MST1: variants seen among roughly 807,000 people sequenced by gnomAD.
The protein encoded by MST1 is macrophage stimulating 1, also known as hepatocyte growth factor-like protein.
Under a neutral mutation model 100.1 loss-of-function variants are expected in MST1, and 76 were observed. The observed-to-expected ratio is 0.76, with a 90% CI of 0.63 to 0.92. The LOEUF (loss-of-function observed/expected upper bound fraction) is 0.92. Among genes scored for constraint, MST1 ranks in the 40% least tolerant of loss-of-function variants. MST1 has a pLI of 0.00. For synonymous variants in MST1, 352 were observed against 385.4 expected, an observed-to-expected ratio of 0.91 and a Z score of 1.01; for missense variants, 850 against 990.0, an observed-to-expected ratio of 0.86 and a Z score of 1.90.
Position 49,684,060 on chromosome 3 carries a change from C to T in MST1, c.2146G>A (p.Asp716Asn). Residue 716 changes from aspartate (D) to asparagine (N), a missense_variant, in exon 18 of 18, where the codon GAC becomes AAC. Asp to Asn is a conservative substitution (Grantham distance 23). Around this residue, in one of 2 missense-constraint regions of MST1, gnomAD observed 816 missense variants for 924.6 expected, o/e 0.88. Coordinates refer to ENST00000449682, the MANE Select transcript of MST1 (RefSeq NM_020998.4). The stretch of plus-strand genomic sequence containing the variant: ...AGTCTCATGACCTTGTGAATCCAGT[C>T]CACAAACACAGAGACACGCGTGAAG... The part of the protein sequence containing the change: ...AVFTRVSVFV[D>N]WIHKVMRLG 1 of 1,613,628 alleles carries T rather than the reference C, an allele frequency of 6.2e-7. No homozygotes were observed. Among genetic ancestry groups the T allele is most frequent in the Non-Finnish European group, 8.5e-7 (1 of 1,179,828 alleles).
Position 49,685,234 on chromosome 3 carries a change from C to T in MST1, c.1544+28G>A, listed in dbSNP as rs1162255941. The T allele has an allele frequency of 3.1e-6, 5 of 1,612,022 alleles. No homozygotes were observed. The South Asian group carries it at 4.4e-5, about 14-fold the overall frequency. ...CAGAGGACACAACCTCAGCTCCTCT[C>T]TGTGGGAGACAGGCAGTTGTGCCTC... is the stretch of plus-strand genomic sequence containing the variant. On this transcript the variant is annotated intron_variant, in intron 13 of 17. Transcript: ENST00000449682.
intron 6 of MST1, 68 bp downstream of exon 6, chr3:49,686,879 G>A: frequency 6.2e-7 from 1 of 1,611,980 alleles, no homozygotes; most frequent in Non-Finnish European, 8.5e-7. Context: ...CCTACACGGA[G>A]CCCTGCCCCT....
At position 49,685,030 on chromosome 3, in the gene MST1, C is replaced by T. The variant is rs767555694; in HGVS notation, c.1604G>A (p.Arg535Gln). 19 of 1,609,532 alleles carry T rather than the reference C, an allele frequency of 1.2e-5. No individual in the cohort carries two copies. Among genetic ancestry groups the T allele is most frequent in the South Asian group, 4.4e-5 (4 of 90,782 alleles). ...GGCTCACCAGGAGGAGAAGCACTGC[C>T]GGGCAGTCAGTATCCACTGCTCCTT... is the stretch of plus-strand genomic sequence containing the variant. ...LVKEQWILTARQCFSSCHMPL... is the reference protein window; with the variant it reads ...LVKEQWILTAQQCFSSCHMPL... The change falls in exon 14 of 18, where the codon CGG becomes CAG. Residue 535 changes from arginine to glutamine, a missense_variant. Transcript: ENST00000449682.
At position 49,688,479 on chromosome 3, in the gene MST1, G is replaced by A. The variant is rs1324090092; in HGVS notation, c.94+119C>T. On this transcript the variant is annotated intron_variant, in intron 1 of 17. Transcript: ENST00000449682. The stretch of plus-strand genomic sequence containing the variant: ...TTCCCAGCTGTGCTCAAGAGGGCAA[G>A]GTCACTGCCCCATGCCCACTGAGCC... 3.4e-6 allele frequency: 3 copies of A among 871,864 alleles called. No individual in the cohort carries two copies. In the South Asian group the frequency reaches 5.2e-5, roughly 15 times the overall value. 54.0% of individuals were successfully genotyped at this position (871,864 alleles called of 1,614,324 possible).
In MST1 at chr3:49,685,515, C is replaced by CA. The variant is rs761175927; in HGVS notation, c.1388-10dup. 2.5e-6 allele frequency: 4 copies of CA among 1,613,446 alleles called. No individual in the cohort carries two copies. The highest frequency in any genetic ancestry group is 3.3e-5 in the Admixed American group (2 of 60,006). On this transcript the variant is annotated splice_polypyrimidine_tract_variant and intron_variant, in intron 11 of 17. Coordinates refer to ENST00000449682, the MANE Select transcript of MST1 (RefSeq NM_020998.4). ...TGGCGGCTGGTCATCAGCTGAAAGACAAAGTTCACTGGGGTTAAGGGAGCC... is the reference window on the plus strand; with the variant it reads ...TGGCGGCTGGTCATCAGCTGAAAGACAAAAGTTCACTGGGGTTAAGGGAGCC...
Position 49,685,980 on chromosome 3 carries a change from A to G in MST1, c.1148-18T>C, listed in dbSNP as rs1367368651. ...GTAGCAGTCTGTGGCGGGTGCGGGC[A>G]GCCATCAGGCCGAGACCTCGCCCCG... On this transcript the variant is annotated intron_variant, in intron 9 of 17. Coordinates refer to ENST00000449682, the MANE Select transcript of MST1 (RefSeq NM_020998.4). 6.2e-7 allele frequency: 1 copy of G among 1,603,852 alleles called. No homozygotes were observed. The highest frequency in any genetic ancestry group is 1.3e-5 in the African/African-American group (1 of 74,644).
Position 49,684,643 on chromosome 3 carries a change from T to A in MST1, c.1783A>T (p.Asn595Tyr). 2 of 1,613,686 alleles carry A rather than the reference T, an allele frequency of 1.2e-6. No homozygotes were observed. The highest frequency in any genetic ancestry group is 2.2e-5 in the South Asian group (2 of 91,076). The change falls in exon 16 of 18, where the codon AAC becomes TAC. Residue 595 changes from asparagine to tyrosine, a missense_variant. Asn to Tyr is a moderately radical substitution (Grantham distance 143). This residue lies in a region of MST1 where 816 missense variants were observed against 924.6 expected (regional missense o/e 0.88). Coordinates refer to ENST00000449682, the MANE Select transcript of MST1 (RefSeq NM_020998.4). Reference protein sequence around the residue: ...LLKLERSVTLNQRVALICLPP... With the variant: ...LLKLERSVTLYQRVALICLPP... ...AGGCAGATCAGGGCCACACGCTGGTTCAGGGTCACAGATCTTTAGCAAGAA... is the reference window on the plus strand; with the variant it reads ...AGGCAGATCAGGGCCACACGCTGGTACAGGGTCACAGATCTTTAGCAAGAA...
intron 6 of MST1, 29 bp from the exon 7 acceptor site, chr3:49,686,831 A>G (rs1575501383): frequency 1.9e-6 from 3 of 1,612,444 alleles, no homozygotes; most frequent in Middle Eastern, 1.7e-4. Context: ...CGTGAACAAG[A>G]CCCTGGGACT....
chr3:49,684,582 T>G lies in MST1; in HGVS notation c.1844A>C (p.Lys615Thr). Residue 615 changes from lysine to threonine, a missense_variant, in exon 16 of 18, where the codon AAG becomes ACG. Physicochemically the swap from Lys to Thr is moderately conservative, Grantham distance 78. Transcript: ENST00000449682. ...PEWYVVPPGT[K>T]CEIAGWGETK... ...CTCACCCCAGCCTGCAATCTCACAC[T>G]TGGTCCCTGGAGGCACCACATACCA... 2 of 1,613,788 alleles carry G rather than the reference T, an allele frequency of 1.2e-6. No homozygotes were observed. The highest frequency in any genetic ancestry group is 1.7e-5 in the Admixed American group (1 of 60,020).
At chr3:49,684,243 C>T (rs1243615390) in intron 17 of MST1, 54 bp from the exon 18 acceptor site, 1 of 1,609,040 alleles carries the variant, frequency 6.2e-7, no homozygotes, top group Non-Finnish European at 8.5e-7. Context: ...GACTAGCCTG[C>T]TTCATGATAA....
Position 49,685,868 on chromosome 3 carries a change from G to A in MST1, c.1242C>T (p.His414=). The A allele has an allele frequency of 6.2e-7, 1 of 1,607,576 alleles. No individual in the cohort carries two copies. The highest frequency in any genetic ancestry group is 8.5e-7 in the Non-Finnish European group (1 of 1,178,550). ...QCQRWSAETP[H]KPQFTFTSEP... is the part of the protein sequence containing the mutation. ...GAGCACCAGGGACTCACTGCGGCTTGTGCGGCGTCTCAGCGGACCAGCGCT... is the reference window on the plus strand; with the variant it reads ...GAGCACCAGGGACTCACTGCGGCTTATGCGGCGTCTCAGCGGACCAGCGCT... Residue 414 remains histidine, a synonymous_variant, in exon 10 of 18, where the codon CAC becomes CAT. Coordinates refer to ENST00000449682, the MANE Select transcript of MST1 (RefSeq NM_020998.4).
intron 4 of MST1, 21 bp downstream of exon 4, chr3:49,687,343 G>A: frequency 6.2e-7 from 1 of 1,613,482 alleles, no homozygotes; most frequent in Non-Finnish European, 8.5e-7. Flanking sequence ...GGCCGGGACG[G>A]AGGGAAGGTG....
At position 49,685,643 on chromosome 3, in the gene MST1, G is replaced by A. The variant is rs1223154186; in HGVS notation, c.1340C>T (p.Thr447Met). 2.5e-6 allele frequency: 4 copies of A among 1,613,322 alleles called. No individual in the cohort carries two copies. Among genetic ancestry groups the A allele is most frequent in the East Asian group, 2.2e-5 (1 of 44,896 alleles). The change falls in exon 11 of 18, where the codon ACG becomes ATG. Residue 447 changes from threonine to methionine, a missense_variant. Around this residue, in one of 2 missense-constraint regions of MST1, gnomAD observed 816 missense variants for 924.6 expected, o/e 0.88. Transcript: ENST00000449682. ...GTCGAATGGGGTCCTTGGGTCCATC[G>A]TGTAGCACCAGGGCCCATGGCTATC... The part of the protein sequence containing the change: ...DGDSHGPWCY[T>M]MDPRTPFDYC...
In MST1 at chr3:49,684,367, G is replaced by A. The variant is rs201444451; in HGVS notation, c.1963C>T (p.Arg655Trp). Reference sequence around the variant, plus strand: ...CCCTCAGTGCACATCTCACTCTCCCGCACACGTCCTCGGTGCTTGATGTTA... The same window carrying A: ...CCCTCAGTGCACATCTCACTCTCCCACACACGTCCTCGGTGCTTGATGTTA... ...ECNIKHRGRVRESEMCTEGLL... is the reference protein window; with the variant it reads ...ECNIKHRGRVWESEMCTEGLL... Residue 655 changes from arginine to tryptophan, a missense_variant, in exon 17 of 18, where the codon CGG (arginine) becomes TGG (tryptophan). By Grantham distance (101) the Arg-to-Trp change is moderately radical (BLOSUM62 -3). Transcript: ENST00000449682. 1.4e-5 allele frequency: 22 copies of A among 1,613,122 alleles called. No homozygotes were observed. The highest frequency in any genetic ancestry group is 1.8e-5 in the Non-Finnish European group (21 of 1,179,868).
chr3:49,684,808 G>C lies in MST1; in HGVS notation c.1699C>G (p.Gln567Glu). Residue 567 changes from glutamine (Q) to glutamate (E), a missense_variant, in exon 15 of 18, where the codon CAG becomes GAG. Physicochemically the swap from Gln to Glu is conservative, Grantham distance 29. This residue lies in a region of MST1 where 816 missense variants were observed against 924.6 expected (regional missense o/e 0.88). Coordinates refer to ENST00000449682, the MANE Select transcript of MST1 (RefSeq NM_020998.4). ...QNPQHGEPSL[Q>E]RVPVAKMVCG... ...ACCATCTTGGCTACTGGGACCCGCT[G>C]TAGGCTTGGCTCTCCATGCTGTGGG... is the stretch of plus-strand genomic sequence containing the variant. 1 of 1,613,512 alleles carries C rather than the reference G, an allele frequency of 6.2e-7. No individual in the cohort carries two copies. The highest frequency in any genetic ancestry group is 1.1e-5 in the South Asian group (1 of 91,084).
At position 49,686,904 on chromosome 3, in the gene MST1, T is replaced by C. The variant is rs763257505; in HGVS notation, c.728+43A>G. 3.7e-6 allele frequency: 6 copies of C among 1,611,670 alleles called. No homozygotes were observed. The Admixed American group carries it at 1.0e-4, about 27-fold the overall frequency. The stretch of plus-strand genomic sequence containing the variant: ...GCCCTGCCCCTGGAGTCCTGGACCT[T>C]CCCTAGCCCGGCCCCCAGGACGCCG... On this transcript the variant is annotated intron_variant, in intron 6 of 17. Transcript: ENST00000449682.
Position 49,687,044 on chromosome 3 carries a change from C to T in MST1, c.631G>A (p.Glu211Lys). The change falls in exon 6 of 18, where the codon GAG (glutamate) becomes AAG (lysine). Residue 211 changes from glutamate (E) to lysine (K), a missense_variant. By Grantham distance (56) the Glu-to-Lys change is moderately conservative. Around this residue, in one of 2 missense-constraint regions of MST1, gnomAD observed 816 missense variants for 924.6 expected, o/e 0.88. Coordinates refer to ENST00000449682, the MANE Select transcript of MST1 (RefSeq NM_020998.4). Reference protein sequence around the residue: ...REAACVWCNGEEYRGAVDRTE... With the variant: ...REAACVWCNGKEYRGAVDRTE... The stretch of plus-strand genomic sequence containing the variant: ...CGGTCTACCGCGCCGCGGTATTCCT[C>T]GCCATTGCACCAGACACACGCGGCT... 6.2e-7 allele frequency: 1 copy of T among 1,612,026 alleles called. No individual in the cohort carries two copies. The highest frequency in any genetic ancestry group is 8.5e-7 in the Non-Finnish European group (1 of 1,179,870).
Position 49,687,224 on chromosome 3 carries a change from G to A in MST1, c.532C>T (p.Pro178Ser). 6.2e-7 allele frequency: 1 copy of A among 1,613,460 alleles called. No homozygotes were observed. The highest frequency in any genetic ancestry group is 8.5e-7 in the Non-Finnish European group (1 of 1,179,864). Residue 178 changes from proline to serine, a missense_variant, in exon 5 of 18, where the codon CCC becomes TCC. Around this residue, in one of 2 missense-constraint regions of MST1, gnomAD observed 816 missense variants for 924.6 expected, o/e 0.88. Transcript: ENST00000449682. ...ENFCRNPDGDPGGPWCYTTDP... is the reference protein window; with the variant it reads ...ENFCRNPDGDSGGPWCYTTDP... ...GTTGTGTAGCACCAAGGACCTCCGG[G>A]GTCGCCATCAGGGTTACGGCAGAAG...
rs1349837317 is a variant in MST1 at position 49,684,197 on chromosome 3, G to A, written c.2017-8C>T. ...TGGGCCCCCGTAGTCACCCTGGCAG[G>A]TAGGAGAACTGATGAGGGCCCCGGG... On this transcript the variant is annotated splice_polypyrimidine_tract_variant and splice_region_variant and intron_variant, in intron 17 of 17. Coordinates refer to ENST00000449682, the MANE Select transcript of MST1 (RefSeq NM_020998.4). 5.0e-6 allele frequency: 8 copies of A among 1,611,314 alleles called. No homozygotes were observed. In the East Asian group the frequency reaches 1.6e-4, roughly 31 times the overall value.
Sources: allele counts gnomAD v4.1 joint callset, GRCh38; gene constraint gnomAD v4.1.1; regional missense constraint gnomAD v4.1.1; transcripts MANE v1.5; gene names NCBI Gene and HGNC (gene_info 2026-07-23, HGNC 2026-07-21).